SEC14L5: variants seen among roughly 807,000 people sequenced by gnomAD.
SEC14L5 encodes the protein SEC14-like protein 5.
In SEC14L5, 96 loss-of-function variants were observed where a neutral mutation model predicts 84.6. The observed-to-expected ratio is 1.13, with a 90% CI of 0.96 to 1.34. SEC14L5 has a LOEUF of 1.34. Ranked by LOEUF, SEC14L5 falls within the 40% of genes most tolerant of loss-of-function variation. The probability of loss-of-function intolerance (pLI) is 0.00; values close to 1 mark genes in which losing one functional copy is unlikely to be tolerated. For synonymous variants in SEC14L5, 546 were observed against 383.4 expected, an observed-to-expected ratio of 1.42 and a Z score of -4.95; for missense variants, 1,224 against 942.5, an observed-to-expected ratio of 1.30 and a Z score of -3.91.
rs34979726 is a variant in SEC14L5, at chr16:5,003,720, CTT to C, written c.1302+151_1302+152del. 1.3e-5 allele frequency: 8 copies of C among 606,576 alleles called. No individual in the cohort carries two copies. The African/African-American group carries it at 1.5e-4, about 11-fold the overall frequency. 37.6% of individuals were successfully genotyped at this position (606,576 alleles called of 1,614,324 possible). A position where few individuals can be genotyped will look rare whatever the true frequency, so the allele number is the denominator to read the frequency against. On this transcript the variant is annotated intron_variant, in intron 11 of 15. Transcript: ENST00000251170. Reference sequence around the variant, plus strand: ...AAACTCACATAGCATAAAGCTCACACTTTTTAAGTATAGACTCCAGTGGTCTT... The same window carrying C: ...AAACTCACATAGCATAAAGCTCACACTTTAAGTATAGACTCCAGTGGTCTT...
intron 15 of SEC14L5, among the ~76,000 whole-genome samples, 155 bp downstream of exon 15, chr16:5,011,428 G>T (rs192496720): frequency 6.6e-6 from 1 of 152,202 alleles, no homozygotes; most frequent in Admixed American, 6.5e-5. Flanking sequence ...ACACAGCCCC[G>T]CACTAGGGTG....
intron 8 of SEC14L5, among the ~76,000 whole-genome samples, chr16:4,997,395 C>T (rs999930943): frequency 3.9e-5 from 6 of 152,342 alleles, no homozygotes; most frequent in South Asian, 4.1e-4. Context: ...CCACCGCACC[C>T]GGCCCAAATG....
chr16:4,964,175 G>T (rs895282825), intron 2 of SEC14L5, among the ~76,000 whole-genome samples: 1 of 152,164 alleles, frequency 6.6e-6, no homozygotes. Flanking sequence ...CTTTGTGGAG[G>T]TCCTTGCATA....
chr16:5,013,797 A>G lies in SEC14L5; in HGVS notation c.1980-1062A>G, dbSNP rs190119287. Among the ~76,000 whole-genome samples the G allele has an allele frequency of 3.4e-3, 514 of 152,050 alleles. 2 individuals carry two copies. Among genetic ancestry groups the G allele is most frequent in the African/African-American group, 0.012 (480 of 41,476 alleles). On this transcript the variant is annotated intron_variant, in intron 15 of 15. Coordinates refer to ENST00000251170, the MANE Select transcript of SEC14L5 (RefSeq NM_014692.2). ...GGTGTCGAACTCCTGGCCTCAAGCA[A>G]TCCACCCACTTCGGCCTCCCAAAGG...
Position 4,998,757 on chromosome 16 carries a change from A to T in SEC14L5, c.970+1713A>T, listed in dbSNP as rs996136961. 1.3e-3 allele frequency among the ~76,000 whole-genome samples: 174 copies of T among 135,830 alleles called. 1 individual carries two copies. The highest frequency in any genetic ancestry group is 2.2e-3 in the East Asian group (10 of 4,586). 89.1% of individuals were successfully genotyped at this position (135,830 alleles called of 152,430 possible). A position where few individuals can be genotyped will look rare whatever the true frequency, so the allele number is the denominator to read the frequency against. On this transcript the variant is annotated intron_variant, in intron 8 of 15. Transcript: ENST00000251170. ...CGTCTCAAAAAAAAAAAAAAAAAAA[A>T]AAAAAAAAATAAACGTTCATCTATA...
intron 15 of SEC14L5, among the ~76,000 whole-genome samples, chr16:5,013,312 G>A (rs1314335812): frequency 6.6e-6 from 1 of 152,166 alleles, no homozygotes; most frequent in Admixed American, 6.6e-5. Context: ...GAGAGGGTGG[G>A]GGAAGTAATA....
At chr16:4,996,500 C>T (rs1297949084) in intron 7 of SEC14L5, 40 bp downstream of exon 7, 1 of 1,079,558 alleles carries the variant, frequency 9.3e-7, no homozygotes, top group African/African-American at 1.6e-5. Context: ...GATGAATGGG[C>T]AATGACTGGT....
At chr16:4,990,920 C>G in intron 5 of SEC14L5, 25 bp downstream of exon 5, 1 of 1,538,456 alleles carries the variant, frequency 6.5e-7, no homozygotes, top group Non-Finnish European at 8.8e-7. Flanking sequence ...GCGTTAGTTA[C>G]TGGAGGAAGG....
chr16:5,009,843 G>T (rs188155326), intron 14 of SEC14L5, among the ~76,000 whole-genome samples: 172 of 152,160 alleles, frequency 1.1e-3, no homozygotes, highest in Non-Finnish European at 1.9e-3. Flanking sequence ...GATCTGGGAG[G>T]GGGTGAGAGG....
At chr16:5,011,449 C>G (rs1394826688) in intron 15 of SEC14L5, among the ~76,000 whole-genome samples, 176 bp downstream of exon 15, 1 of 152,166 alleles carries the variant, frequency 6.6e-6, no homozygotes, top group African/African-American at 2.4e-5. Context: ...TGAGGAGAGC[C>G]CAGCTCTGCG....
chr16:4,981,238 G>A (rs1955419915), intron 2 of SEC14L5, among the ~76,000 whole-genome samples: 1 of 143,304 alleles, frequency 7.0e-6, no homozygotes, highest in African/African-American at 2.6e-5. Flanking sequence ...GCATGCACCA[G>A]CACGTCTAGC....
intron 2 of SEC14L5, among the ~76,000 whole-genome samples, chr16:4,976,159 A>G (rs1955335916): frequency 6.6e-6 from 1 of 152,246 alleles, no homozygotes; most frequent in Non-Finnish European, 1.5e-5. Context: ...CTCTAAGCAC[A>G]TTGCATGAGC....
intron 10 of SEC14L5, among the ~76,000 whole-genome samples, chr16:5,001,201 G>C (rs1422573121): frequency 6.6e-6 from 1 of 151,504 alleles, no homozygotes; most frequent in East Asian, 1.9e-4. Context: ...CTGGCTTCTA[G>C]CTCGAAGACT....
At chr16:5,004,556 C>T (rs951291768) in intron 11 of SEC14L5, among the ~76,000 whole-genome samples, 1 of 151,886 alleles carries the variant, frequency 6.6e-6, no homozygotes, top group East Asian at 1.9e-4. Context: ...AATGTCCTTG[C>T]AGAATCCTGG....
intron 2 of SEC14L5, among the ~76,000 whole-genome samples, chr16:4,974,324 C>G (rs1274102077): frequency 1.3e-5 from 2 of 151,942 alleles, no homozygotes; most frequent in Non-Finnish European, 2.9e-5. Flanking sequence ...GCCCCAGCCT[C>G]CCGAGTAGCT....
chr16:5,000,686 C>G lies in SEC14L5; in HGVS notation c.1002C>G (p.Gly334=), dbSNP rs768254325. 2.2e-5 allele frequency: 34 copies of G among 1,551,996 alleles called. No homozygotes were observed. Among genetic ancestry groups the G allele is most frequent in the Non-Finnish European group, 2.8e-5 (32 of 1,147,404 alleles). The change falls in exon 9 of 16, where the codon GGC becomes GGG. Residue 334 remains glycine, a synonymous_variant. Coordinates refer to ENST00000251170, the MANE Select transcript of SEC14L5 (RefSeq NM_014692.2). ...DGRPLYILRL[G]QMDTKGLMKA... The stretch of plus-strand genomic sequence containing the variant: ...GCCCCCTCTACATCCTCCGCCTGGG[C>G]CAGATGGACACCAAAGGCTTGATGA...
At chr16:4,958,633 C>T (rs1006438876) in intron 1 of SEC14L5, among the ~76,000 whole-genome samples, 188 bp downstream of exon 1, 4 of 152,076 alleles carry the variant, frequency 2.6e-5, no homozygotes, top group East Asian at 1.9e-4. Context: ...TGTGCATGTG[C>T]GCACGGGTGT....
At chr16:4,965,254 A>G (rs1410174657) in intron 2 of SEC14L5, among the ~76,000 whole-genome samples, 1 of 152,132 alleles carries the variant, frequency 6.6e-6, no homozygotes, top group Non-Finnish European at 1.5e-5. Flanking sequence ...TTTCTTTATC[A>G]TTCATTAGTT....
intron 6 of SEC14L5, among the ~76,000 whole-genome samples, chr16:4,992,836 G>GTA (rs1302380391): frequency 6.6e-6 from 1 of 152,156 alleles, no homozygotes; most frequent in Non-Finnish European, 1.5e-5. Context: ...CACATAAAAT[G>GTA]TATATATACC....
Sources: gnomAD v4.1 joint callset for allele counts (sites outside exome capture counted in the v4.1 genomes callset) on GRCh38, gnomAD v4.1.1 for gene constraint, MANE v1.5 for transcripts, NCBI Gene and HGNC (gene_info 2026-07-23, HGNC 2026-07-21) for gene names.